The following DCLK1 variants were observed in gnomAD, a reference collection of about 807,000 sequenced individuals.
DCLK1 encodes serine/threonine-protein kinase DCLK1.
A neutral mutation model predicts 86.2 loss-of-function variants in DCLK1; 16 were observed. The observed-to-expected ratio is 0.19, with a 90% confidence interval of 0.13 to 0.28. The LOEUF (loss-of-function observed/expected upper bound fraction) is 0.28. Among genes scored for constraint, DCLK1 ranks in the 10% least tolerant of loss-of-function variants. DCLK1 has a pLI of 1.00. For missense variants in DCLK1, 590 were observed against 940.2 expected, an observed-to-expected ratio of 0.63 and a Z score of 4.87; for synonymous variants, 369 against 370.5, an observed-to-expected ratio of 1.00 and a Z score of 0.05.
chr13:35,879,049 G>A (rs1872739260), intron 4 of DCLK1, among the ~76,000 whole-genome samples: 1 of 152,078 alleles, frequency 6.6e-6, no homozygotes, highest in Non-Finnish European at 1.5e-5. Context: ...GCCTCCCAAA[G>A]TGCTGGGATT....
chr13:35,822,790 G>A lies in DCLK1; in HGVS notation c.1493C>T (p.Ala498Val). Residue 498 changes from alanine to valine, a missense_variant, in exon 11 of 17, where the codon GCC (alanine) becomes GTC (valine). Physicochemically the swap from Ala to Val is moderately conservative, Grantham distance 64. Around this residue, in one of 6 missense-constraint regions of DCLK1, gnomAD observed 108 missense variants for 195.7 expected, o/e 0.55. Coordinates refer to ENST00000360631, the MANE Select transcript of DCLK1 (RefSeq NM_001330071.2). ...GTTCAGGCTATGCAGGTATTTGATG[G>A]CGCTGGCTAGGTTGTACAGCATCCC... ...ASGMLYNLAS[A>V]IKYLHSLNIV... 6.2e-7 allele frequency: 1 copy of A among 1,613,860 alleles called. No homozygotes were observed. Among genetic ancestry groups the A allele is most frequent in the East Asian group, 2.2e-5 (1 of 44,852 alleles).
At chr13:35,982,573 T>C (rs865817540) in intron 3 of DCLK1, among the ~76,000 whole-genome samples, 5 of 151,898 alleles carry the variant, frequency 3.3e-5, no homozygotes, top group Middle Eastern at 3.2e-3. Flanking sequence ...CACAGTGAGA[T>C]CACAATGTGA....
intron 16 of DCLK1, among the ~76,000 whole-genome samples, chr13:35,779,312 C>A (rs1466289129): frequency 6.6e-6 from 1 of 152,132 alleles, no homozygotes; most frequent in African/African-American, 2.4e-5. Flanking sequence ...CAAATTTTAC[C>A]ACCTGTACCA....
chr13:35,994,198 C>A (rs1377484157), intron 3 of DCLK1, among the ~76,000 whole-genome samples: 1 of 152,058 alleles, frequency 6.6e-6, no homozygotes, highest in African/African-American at 2.4e-5. Flanking sequence ...CAGCTTCAGG[C>A]TTGACTGAAG....
chr13:35,921,388 T>C (rs538918316), intron 4 of DCLK1, among the ~76,000 whole-genome samples: 1 of 152,218 alleles, frequency 6.6e-6, no homozygotes, highest in South Asian at 2.1e-4. Flanking sequence ...TACATACCCA[T>C]GGAGCATCAG....
At position 36,004,691 on chromosome 13, in the gene DCLK1, T is replaced by C. The variant is rs531997834; in HGVS notation, c.724-57234A>G. ...CCGGGGTTCAAGCGATCCTCCCACC[T>C]CAGCTTCCCAAGTAGCTGGGACTAC... On this transcript the variant is annotated intron_variant, in intron 3 of 16. Transcript: ENST00000360631. 2.2e-4 allele frequency among the ~76,000 whole-genome samples: 33 copies of C among 152,210 alleles called. No homozygotes were observed. The East Asian group carries it at 6.0e-3, about 28-fold the overall frequency.
At chr13:36,100,448 A>G (rs1050899740) in intron 3 of DCLK1, among the ~76,000 whole-genome samples, 1 of 152,180 alleles carries the variant, frequency 6.6e-6, no homozygotes. Flanking sequence ...TTCCTTTCAC[A>G]GGAGACCAAT....
chr13:35,775,525 A>G (rs2086409968), intron 16 of DCLK1, among the ~76,000 whole-genome samples: 1 of 152,196 alleles, frequency 6.6e-6, no homozygotes, highest in Non-Finnish European at 1.5e-5. Context: ...GGGGGACAGC[A>G]TGACTTCATC....
Position 36,112,030 on chromosome 13 carries a change from C to T in DCLK1, c.562G>A (p.Val188Ile), listed in dbSNP as rs767584616. Residue 188 changes from valine to isoleucine, a missense_variant, in exon 3 of 17, where the codon GTC (valine) becomes ATC (isoleucine). Coordinates refer to ENST00000360631, the MANE Select transcript of DCLK1 (RefSeq NM_001330071.2). ...ENKDFIRPKL[V>I]TIIRSGVKPR... ...TTCACGCCACTTCTGATGATGGTGA[C>T]CAGCTTGGGCCGAATGAAATCCTTA... 2 of 1,614,202 alleles carry T rather than the reference C, an allele frequency of 1.2e-6. No homozygotes were observed. Among genetic ancestry groups the T allele is most frequent in the South Asian group, 2.2e-5 (2 of 91,084 alleles).
chr13:35,932,146 G>A (rs559252878), intron 4 of DCLK1, among the ~76,000 whole-genome samples: 66 of 152,284 alleles, frequency 4.3e-4, no homozygotes, highest in African/African-American at 1.4e-3. Flanking sequence ...TCCAATCCAC[G>A]AAAGCCTGAA....
intron 3 of DCLK1, among the ~76,000 whole-genome samples, chr13:36,016,089 G>A (rs1881527896): frequency 6.6e-6 from 1 of 152,110 alleles, no homozygotes; most frequent in Non-Finnish European, 1.5e-5. Context: ...AAGAAATACT[G>A]ATATAAACAA....
chr13:35,866,789 T>G (rs1407281865), intron 5 of DCLK1, among the ~76,000 whole-genome samples: 1 of 152,084 alleles, frequency 6.6e-6, no homozygotes, highest in Non-Finnish European at 1.5e-5. Context: ...TTAAGTAAAA[T>G]TCATGTTTGA....
At chr13:35,893,056 T>G (rs1873737133) in intron 4 of DCLK1, among the ~76,000 whole-genome samples, 1 of 152,234 alleles carries the variant, frequency 6.6e-6, no homozygotes, top group African/African-American at 2.4e-5. Context: ...TTTCAGATAG[T>G]CAGTGGTGCC....
At chr13:35,809,434 C>A (rs747618154) in intron 12 of DCLK1, among the ~76,000 whole-genome samples, 3 of 152,158 alleles carry the variant, frequency 2.0e-5, no homozygotes, top group African/African-American at 7.2e-5. Context: ...GATAAACTCC[C>A]TCACTTTAGG....
chr13:36,033,697 GGGCGGATTACCTGA>G (rs1406719580), intron 3 of DCLK1, among the ~76,000 whole-genome samples: 1 of 152,198 alleles, frequency 6.6e-6, no homozygotes, highest in African/African-American at 2.4e-5. Flanking sequence ...AGGCCAAGGT[GGGCGGATTACCTGA>G]GGCCAGGAGT....
intron 3 of DCLK1, among the ~76,000 whole-genome samples, chr13:36,043,496 A>G (rs1217095410): frequency 6.6e-6 from 1 of 152,108 alleles, no homozygotes; most frequent in East Asian, 1.9e-4. Flanking sequence ...ATGAAATAAT[A>G]TAAGAAAAAT....
At chr13:35,779,759 T>C (rs1362429735) in intron 16 of DCLK1, among the ~76,000 whole-genome samples, 1 of 152,184 alleles carries the variant, frequency 6.6e-6, no homozygotes, top group African/African-American at 2.4e-5. Context: ...TAATTTCTTA[T>C]CATACTAAAC....
chr13:35,824,964 C>G (rs560529892), intron 10 of DCLK1, among the ~76,000 whole-genome samples: 1 of 152,152 alleles, frequency 6.6e-6, no homozygotes, highest in Non-Finnish European at 1.5e-5. Flanking sequence ...TTCTAACTCC[C>G]GTTGCTCTCT....
At chr13:35,912,747 T>C in intron 4 of DCLK1, among the ~76,000 whole-genome samples, 1 of 152,176 alleles carries the variant, frequency 6.6e-6, no homozygotes, top group East Asian at 1.9e-4. Context: ...CAAAAAAAGC[T>C]ATCACAGTGG....
Sources: allele counts gnomAD v4.1 joint callset (sites outside exome capture counted in the v4.1 genomes callset), GRCh38; gene constraint gnomAD v4.1.1; regional missense constraint gnomAD v4.1.1; transcripts MANE v1.5; gene names NCBI Gene and HGNC (gene_info 2026-07-23, HGNC 2026-07-21).